The following MACROD2 variants were observed in gnomAD, a reference collection of about 807,000 sequenced individuals.
MACROD2 encodes mono-ADP ribosylhydrolase 2, also known as ADP-ribose glycohydrolase MACROD2.
Under a neutral mutation model 70.4 loss-of-function variants are expected in MACROD2, and 36 were observed. The observed-to-expected ratio is 0.51, with a 90% CI of 0.39 to 0.68. MACROD2 has a LOEUF of 0.68. Among genes scored for constraint, MACROD2 ranks in the 30% least tolerant of loss-of-function variants. MACROD2 has a pLI of 0.00. For synonymous variants in MACROD2, 172 were observed against 178.8 expected (o/e 0.96, Z 0.30); for missense variants, 496 against 538.4 (o/e 0.92, Z 0.78).
intron 4 of MACROD2, among the ~76,000 whole-genome samples, chr20:14,523,920 G>T (rs1389620138): frequency 1.3e-5 from 2 of 152,158 alleles, no homozygotes; most frequent in East Asian, 3.9e-4. Flanking sequence ...GATCCTTCCT[G>T]AGGATATGCC....
chr20:15,230,416 G>A (rs959768974), intron 6 of MACROD2, among the ~76,000 whole-genome samples: 5 of 152,198 alleles, frequency 3.3e-5, no homozygotes, highest in East Asian at 1.9e-4. Context: ...TTATGATAGC[G>A]CACATTTAAT....
chr20:14,710,612 A>G (rs2071327116), intron 5 of MACROD2, among the ~76,000 whole-genome samples: 1 of 152,164 alleles, frequency 6.6e-6, no homozygotes, highest in Non-Finnish European at 1.5e-5. Context: ...GAAAATTTAA[A>G]AGTTAAAAGA....
chr20:14,163,794 TTC>T (rs1410185126), intron 3 of MACROD2, among the ~76,000 whole-genome samples: 1 of 151,642 alleles, frequency 6.6e-6, no homozygotes, highest in Non-Finnish European at 1.5e-5. Context: ...GCTCCAGAAT[TTC>T]TGTTTTATTC....
intron 4 of MACROD2, among the ~76,000 whole-genome samples, chr20:14,626,003 T>C (rs1324477913): frequency 6.6e-6 from 1 of 152,102 alleles, no homozygotes; most frequent in Non-Finnish European, 1.5e-5. Context: ...TTTTGGTATT[T>C]TTAGTAGACA....
At chr20:15,478,870 G>A (rs1343077821) in intron 7 of MACROD2, among the ~76,000 whole-genome samples, 1 of 152,160 alleles carries the variant, frequency 6.6e-6, no homozygotes, top group African/African-American at 2.4e-5. Flanking sequence ...AATCACAAAT[G>A]CAAGTTGTCA....
intron 3 of MACROD2, among the ~76,000 whole-genome samples, chr20:14,365,408 A>G (rs117682203): frequency 1.6e-3 from 235 of 151,468 alleles, no homozygotes; most frequent in Non-Finnish European, 2.9e-3. Context: ...AATAATATTT[A>G]TGTAATAATG....
chr20:14,852,222 G>C (rs565786580), intron 5 of MACROD2, among the ~76,000 whole-genome samples: 61 of 152,180 alleles, frequency 4.0e-4, no homozygotes, highest in African/African-American at 1.3e-3. Context: ...GGACAGCGAG[G>C]TGGCCAAGAA....
chr20:14,710,961 C>T (rs1019750150), intron 5 of MACROD2, among the ~76,000 whole-genome samples: 18 of 152,164 alleles, frequency 1.2e-4, no homozygotes, highest in South Asian at 4.1e-4. Context: ...AGCTTCTGCC[C>T]TCTGTCTGAG....
intron 5 of MACROD2, among the ~76,000 whole-genome samples, chr20:15,082,400 A>G (rs2075710883): frequency 6.6e-6 from 1 of 152,118 alleles, no homozygotes; most frequent in African/African-American, 2.4e-5. Context: ...GATAATATAG[A>G]ATGGATTGTG....
intron 6 of MACROD2, among the ~76,000 whole-genome samples, chr20:15,349,025 A>T (rs1299699400): frequency 6.6e-6 from 1 of 152,130 alleles, no homozygotes; most frequent in African/African-American, 2.4e-5. Flanking sequence ...TTTCATTTTT[A>T]TTTTTTTAAT....
intron 5 of MACROD2, among the ~76,000 whole-genome samples, chr20:14,885,597 A>G (rs746562813): frequency 5.3e-5 from 8 of 152,104 alleles, no homozygotes; most frequent in Non-Finnish European, 8.8e-5. Context: ...GTAAAGTGCA[A>G]ATTTGTTTGC....
chr20:14,624,844 C>T (rs1422846431), intron 4 of MACROD2, among the ~76,000 whole-genome samples: 3 of 152,152 alleles, frequency 2.0e-5, no homozygotes, highest in Admixed American at 2.0e-4. Context: ...TAGATGAATG[C>T]CAGCCAGAAA....
chr20:14,416,558 A>T (rs2083807625), intron 3 of MACROD2, among the ~76,000 whole-genome samples: 1 of 152,210 alleles, frequency 6.6e-6, no homozygotes, highest in Non-Finnish European at 1.5e-5. Flanking sequence ...ATGCATAAGA[A>T]AAAAGAGTCT....
At chr20:14,711,716 CG>C (rs1041558974) in intron 5 of MACROD2, among the ~76,000 whole-genome samples, 2 of 152,148 alleles carry the variant, frequency 1.3e-5, no homozygotes, top group Non-Finnish European at 2.9e-5. Context: ...CCAAATCCCC[CG>C]CCCCAGCCCC....
intron 6 of MACROD2, among the ~76,000 whole-genome samples, chr20:15,358,021 G>C (rs2078308830): frequency 6.6e-6 from 1 of 151,868 alleles, no homozygotes; most frequent in Non-Finnish European, 1.5e-5. Flanking sequence ...TGTTAGCCAG[G>C]ATGGTCTCTA....
chr20:15,866,320 C>T (rs989975752), intron 9 of MACROD2, among the ~76,000 whole-genome samples: 3 of 151,926 alleles, frequency 2.0e-5, no homozygotes, highest in Admixed American at 6.6e-5. Flanking sequence ...CACTTGAGCT[C>T]GGGGATTTGA....
chr20:15,380,200 G>A lies in MACROD2; in HGVS notation c.541-51205G>A, dbSNP rs148209816. On this transcript the variant is annotated intron_variant, in intron 6 of 17. Transcript: ENST00000684519. ...ATCATTTAAAAAAACCCTCAGCACAGCACTTATCACAATCTGAGTGATAGA... is the reference window on the plus strand; with the variant it reads ...ATCATTTAAAAAAACCCTCAGCACAACACTTATCACAATCTGAGTGATAGA... Among the ~76,000 whole-genome samples, 5 of 152,090 alleles carry A rather than the reference G, an allele frequency of 3.3e-5. No homozygotes were observed. The East Asian group carries it at 5.8e-4, about 18-fold the overall frequency.
chr20:14,412,139 G>T (rs986395780), intron 3 of MACROD2, among the ~76,000 whole-genome samples: 1 of 152,010 alleles, frequency 6.6e-6, no homozygotes, highest in Admixed American at 6.6e-5. Context: ...TTCTCTGCCC[G>T]CACTTTCTGT....
chr20:14,596,882 C>G (rs901635018), intron 4 of MACROD2, among the ~76,000 whole-genome samples: 9 of 152,152 alleles, frequency 5.9e-5, no homozygotes, highest in Admixed American at 5.9e-4. Flanking sequence ...AAGGCCTTCA[C>G]AAGATGCAGC....
Sources: allele counts gnomAD v4.1 joint callset (sites outside exome capture counted in the v4.1 genomes callset), GRCh38; gene constraint gnomAD v4.1.1; transcripts MANE v1.5; gene names NCBI Gene and HGNC (gene_info 2026-07-23, HGNC 2026-07-21).